Variants in CNTNAP2 observed in about 807,000 individuals in gnomAD.
CNTNAP2 encodes contactin associated protein 2.
CNTNAP2 carries 98 observed loss-of-function variants against 155.2 expected under a neutral mutation model. The observed-to-expected ratio is 0.63, with a 90% CI of 0.54 to 0.75. CNTNAP2 has a LOEUF of 0.75. Ranked by LOEUF, CNTNAP2 falls within the 30% of genes least tolerant of loss-of-function variation. CNTNAP2 has a pLI of 0.00. For synonymous variants in CNTNAP2, 651 were observed against 631.2 expected (o/e 1.03, Z -0.47); for missense variants, 1,727 against 1,688.1 (o/e 1.02, Z -0.40).
At chr7:146,492,142 C>T (rs1406422973) in intron 1 of CNTNAP2, among the ~76,000 whole-genome samples, 1 of 151,396 alleles carries the variant, frequency 6.6e-6, no homozygotes, top group African/African-American at 2.4e-5. Context: ...AGTTTTCATC[C>T]TTGTGCACAC....
intron 1 of CNTNAP2, among the ~76,000 whole-genome samples, chr7:146,532,016 A>G (rs1797777725): frequency 6.6e-6 from 1 of 152,190 alleles, no homozygotes; most frequent in Non-Finnish European, 1.5e-5. Context: ...TTTCCATTAA[A>G]AAAAGAAAAA....
intron 15 of CNTNAP2, among the ~76,000 whole-genome samples, chr7:148,067,000 A>G (rs1803278537): frequency 6.6e-6 from 1 of 151,654 alleles, no homozygotes; most frequent in Non-Finnish European, 1.5e-5. Flanking sequence ...TTTTTTGTCC[A>G]TATCCTGTAT....
At chr7:147,049,415 A>G (rs1460844197) in intron 4 of CNTNAP2, among the ~76,000 whole-genome samples, 10 of 152,212 alleles carry the variant, frequency 6.6e-5, no homozygotes, top group African/African-American at 1.9e-4. Flanking sequence ...TAAATTTTCT[A>G]TACTAGAGTT....
intron 10 of CNTNAP2, among the ~76,000 whole-genome samples, chr7:147,449,252 A>G (rs1006705132): frequency 6.6e-6 from 1 of 152,102 alleles, no homozygotes; most frequent in Non-Finnish European, 1.5e-5. Context: ...AACTAGCCCA[A>G]TTCCTTCAAA....
intron 1 of CNTNAP2, among the ~76,000 whole-genome samples, chr7:146,417,719 T>A (rs1795957627): frequency 1.3e-5 from 2 of 152,204 alleles, no homozygotes; most frequent in Non-Finnish European, 2.9e-5. Context: ...GCTAAAATAA[T>A]AAGATCTGGA....
At chr7:147,600,680 G>A (rs1282768476) in intron 12 of CNTNAP2, among the ~76,000 whole-genome samples, 1 of 151,886 alleles carries the variant, frequency 6.6e-6, no homozygotes, top group Non-Finnish European at 1.5e-5. Flanking sequence ...ACCTTTTCTG[G>A]CATAGAGGAC....
At chr7:148,125,140 C>A (rs1350560149) in intron 16 of CNTNAP2, among the ~76,000 whole-genome samples, 1 of 151,756 alleles carries the variant, frequency 6.6e-6, no homozygotes, top group African/African-American at 2.4e-5. Context: ...TATGTGTGTA[C>A]CTAAAATGAA....
At chr7:147,989,309 A>G (rs1801672047) in intron 15 of CNTNAP2, among the ~76,000 whole-genome samples, 1 of 152,164 alleles carries the variant, frequency 6.6e-6, no homozygotes, top group African/African-American at 2.4e-5. Flanking sequence ...TTTCTCCCTC[A>G]CTAACCATGT....
At chr7:147,169,835 T>C (rs1222076297) in intron 8 of CNTNAP2, among the ~76,000 whole-genome samples, 1 of 152,174 alleles carries the variant, frequency 6.6e-6, no homozygotes, top group African/African-American at 2.4e-5. Flanking sequence ...AGCTCTTAAA[T>C]GATATTACTG....
intron 13 of CNTNAP2, among the ~76,000 whole-genome samples, chr7:147,745,242 G>C (rs1797018979): frequency 6.6e-6 from 1 of 152,142 alleles, no homozygotes; most frequent in Non-Finnish European, 1.5e-5. Flanking sequence ...AGACATAAAA[G>C]AGCTCTACAA....
chr7:146,948,731 A>G (rs1797244433), intron 3 of CNTNAP2, among the ~76,000 whole-genome samples: 1 of 152,186 alleles, frequency 6.6e-6, no homozygotes, highest in African/African-American at 2.4e-5. Context: ...CATTCCTTGC[A>G]ATTTTATACA....
intron 13 of CNTNAP2, among the ~76,000 whole-genome samples, chr7:147,840,100 G>T (rs1348037144): frequency 6.6e-6 from 1 of 152,054 alleles, no homozygotes; most frequent in African/African-American, 2.4e-5. Context: ...TCACTTATAA[G>T]TAGGAGCTAA....
intron 12 of CNTNAP2, among the ~76,000 whole-genome samples, chr7:147,624,815 T>A (rs903097466): frequency 6.6e-6 from 1 of 152,194 alleles, no homozygotes; most frequent in African/African-American, 2.4e-5. Flanking sequence ...CTCATGTTTA[T>A]TGCAGTACTG....
chr7:146,259,921 C>T (rs1023220492), intron 1 of CNTNAP2, among the ~76,000 whole-genome samples: 1 of 152,228 alleles, frequency 6.6e-6, no homozygotes. Flanking sequence ...GAGATCTTGA[C>T]AGCAGCCCCT....
intron 13 of CNTNAP2, among the ~76,000 whole-genome samples, chr7:147,661,612 G>A (rs1795610115): frequency 6.6e-6 from 1 of 150,886 alleles, no homozygotes; most frequent in Admixed American, 6.6e-5. Context: ...GAGTGCAGTG[G>A]CATGACCTCG....
intron 9 of CNTNAP2, among the ~76,000 whole-genome samples, chr7:147,316,658 A>G (rs373144292): frequency 2.6e-5 from 4 of 152,176 alleles, no homozygotes; most frequent in Non-Finnish European, 5.9e-5. Context: ...ATACTTTTGA[A>G]AGAATATAAA....
At chr7:146,329,405 C>T (rs1801145508) in intron 1 of CNTNAP2, among the ~76,000 whole-genome samples, 1 of 152,174 alleles carries the variant, frequency 6.6e-6, no homozygotes, top group Non-Finnish European at 1.5e-5. Flanking sequence ...TCACATCTGA[C>T]ATATATGGAG....
chr7:146,602,510 G>C (rs1487055184), intron 1 of CNTNAP2, among the ~76,000 whole-genome samples: 2 of 152,070 alleles, frequency 1.3e-5, no homozygotes, highest in African/African-American at 4.8e-5. Flanking sequence ...CACAAAGAAT[G>C]TTTACTTGAT....
chr7:146,573,553 C>G (rs541337162), intron 1 of CNTNAP2, among the ~76,000 whole-genome samples: 1 of 152,108 alleles, frequency 6.6e-6, no homozygotes, highest in African/African-American at 2.4e-5. Context: ...GCATATCAAG[C>G]GCTCTGAGAA....
Sources: gnomAD v4.1 joint callset for allele counts (sites outside exome capture counted in the v4.1 genomes callset) on GRCh38, gnomAD v4.1.1 for gene constraint, MANE v1.5 for transcripts, NCBI Gene and HGNC (gene_info 2026-07-23, HGNC 2026-07-21) for gene names.